The following CCDC178 variants were observed in gnomAD, a reference collection of about 807,000 sequenced individuals.
The protein encoded by CCDC178 is coiled-coil domain containing 178, also known as coiled-coil domain-containing protein 178.
In CCDC178, 126 loss-of-function variants were observed where a neutral mutation model predicts 117.4. That is an observed-to-expected ratio of 1.07 (90% CI 0.93 to 1.24). The LOEUF (loss-of-function observed/expected upper bound fraction) is 1.24. Among genes scored for constraint, CCDC178 ranks in the 50% most tolerant of loss-of-function variants. The probability of loss-of-function intolerance (pLI) is 0.00; values close to 1 mark genes in which losing one functional copy is unlikely to be tolerated. For missense variants in CCDC178, 1,030 were observed against 986.9 expected, an observed-to-expected ratio of 1.04 and a Z score of -0.59; for synonymous variants, 283 against 313.4, an observed-to-expected ratio of 0.90 and a Z score of 1.02.
chr18:33,096,358 AT>A (rs1409344430), intron 20 of CCDC178, among the ~76,000 whole-genome samples: 1 of 145,186 alleles, frequency 6.9e-6, no homozygotes, highest in Non-Finnish European at 1.5e-5. Flanking sequence ...TTATATAAAA[AT>A]ATAAAATTTT....
chr18:33,093,938 T>C (rs927742039), intron 20 of CCDC178, among the ~76,000 whole-genome samples: 1 of 152,028 alleles, frequency 6.6e-6, no homozygotes, highest in African/African-American at 2.4e-5. Flanking sequence ...TGTGAAGCAA[T>C]TAAAATTGTT....
chr18:33,336,965 T>C (rs529389399), intron 9 of CCDC178, among the ~76,000 whole-genome samples: 29 of 152,164 alleles, frequency 1.9e-4, no homozygotes, highest in African/African-American at 5.5e-4. Context: ...AGGAATTGCA[T>C]TGAATTTGTA....
chr18:33,011,055 T>C (rs2055853366), intron 21 of CCDC178, among the ~76,000 whole-genome samples: 1 of 152,168 alleles, frequency 6.6e-6, no homozygotes, highest in African/African-American at 2.4e-5. Context: ...GCACCAAAAG[T>C]TACTCTATAG....
intron 21 of CCDC178, among the ~76,000 whole-genome samples, chr18:33,034,850 T>A (rs1301025210): frequency 6.6e-6 from 1 of 151,858 alleles, no homozygotes; most frequent in African/African-American, 2.4e-5. Context: ...ATGATAATTA[T>A]CTTATGATAT....
chr18:32,982,747 C>G (rs545105705), intron 21 of CCDC178, among the ~76,000 whole-genome samples: 1 of 152,184 alleles, frequency 6.6e-6, no homozygotes, highest in Admixed American at 6.5e-5. Flanking sequence ...CAATCTTTAT[C>G]AATACAACAT....
intron 7 of CCDC178, among the ~76,000 whole-genome samples, chr18:33,353,672 C>T (rs2063010636): frequency 6.6e-6 from 1 of 152,008 alleles, no homozygotes; most frequent in South Asian, 2.1e-4. Flanking sequence ...ATATAAAGAA[C>T]TCTGTTCCTT....
intron 20 of CCDC178, among the ~76,000 whole-genome samples, chr18:33,096,119 C>A (rs919166647): frequency 2.7e-5 from 4 of 150,454 alleles, no homozygotes; most frequent in Non-Finnish European, 4.4e-5. Flanking sequence ...ACTCCCCACC[C>A]CCCCCACTTG....
chr18:33,278,880 A>T (rs1467417573), intron 12 of CCDC178, among the ~76,000 whole-genome samples: 2 of 152,222 alleles, frequency 1.3e-5, no homozygotes, highest in African/African-American at 4.8e-5. Context: ...ATAGATGCAG[A>T]AAAGGCCTTT....
intron 21 of CCDC178, among the ~76,000 whole-genome samples, chr18:33,017,971 G>C (rs1046907284): frequency 2.0e-5 from 3 of 151,920 alleles, no homozygotes; most frequent in Admixed American, 6.6e-5. Flanking sequence ...TGCTTTAAAG[G>C]AAACCATTAA....
intron 2 of CCDC178, among the ~76,000 whole-genome samples, chr18:33,424,656 G>A (rs1451378652): frequency 6.6e-6 from 1 of 152,170 alleles, no homozygotes. Context: ...GGGAGCCACG[G>A]CACGGCCCAG....
intron 10 of CCDC178, among the ~76,000 whole-genome samples, chr18:33,325,680 T>A (rs2062575076): frequency 6.6e-6 from 1 of 152,158 alleles, no homozygotes; most frequent in Non-Finnish European, 1.5e-5. Flanking sequence ...ATTTTTGAGT[T>A]TCCCTTTGAT....
At position 33,131,946 on chromosome 18, in the gene CCDC178, C is replaced by T. The variant is rs539149851; in HGVS notation, c.2239-39036G>A. 5.9e-5 allele frequency among the ~76,000 whole-genome samples: 9 copies of T among 151,554 alleles called. No homozygotes were observed. The South Asian group carries it at 6.2e-4, about 10-fold the overall frequency. On this transcript the variant is annotated intron_variant, in intron 20 of 22. Transcript: ENST00000383096. ...ATACTTCACCTTTTCTTTTTTGTTA[C>T]GGCTGCCCCAAAATTCAAAGTTATA... is the stretch of plus-strand genomic sequence containing the variant.
intron 20 of CCDC178, among the ~76,000 whole-genome samples, chr18:33,111,113 A>T (rs2057775470): frequency 6.6e-6 from 1 of 151,554 alleles, no homozygotes; most frequent in Admixed American, 6.6e-5. Context: ...CTTTTGTTAA[A>T]TATATACCTA....
intron 19 of CCDC178, among the ~76,000 whole-genome samples, chr18:33,213,469 G>C (rs2059129945): frequency 6.6e-6 from 1 of 151,778 alleles, no homozygotes; most frequent in East Asian, 1.9e-4. Flanking sequence ...TGACATCTTG[G>C]AGCAGAGAGA....
At chr18:33,358,429 T>G (rs2063085994) in intron 6 of CCDC178, among the ~76,000 whole-genome samples, 1 of 151,840 alleles carries the variant, frequency 6.6e-6, no homozygotes. Flanking sequence ...AAAGCAGATA[T>G]TGGCATAGGG....
chr18:32,993,076 G>A (rs777766790), intron 21 of CCDC178, among the ~76,000 whole-genome samples: 43 of 152,132 alleles, frequency 2.8e-4, no homozygotes, highest in Non-Finnish European at 5.6e-4. Flanking sequence ...TGAGTCAGGA[G>A]AATTGCTTGA....
At chr18:33,404,886 T>C (rs1226097048) in intron 3 of CCDC178, among the ~76,000 whole-genome samples, 2 of 152,052 alleles carry the variant, frequency 1.3e-5, no homozygotes, top group African/African-American at 2.4e-5. Context: ...TATAAAATCA[T>C]TGATATGAAA....
intron 21 of CCDC178, among the ~76,000 whole-genome samples, chr18:33,007,680 C>T (rs989119469): frequency 2.2e-4 from 34 of 152,050 alleles, no homozygotes; most frequent in Admixed American, 6.6e-5. Context: ...AAGACTGCAC[C>T]TAAGTACATA....
chr18:32,940,834 T>C (rs1234257984), intron 22 of CCDC178, among the ~76,000 whole-genome samples: 1 of 152,064 alleles, frequency 6.6e-6, no homozygotes, highest in Non-Finnish European at 1.5e-5. Flanking sequence ...CAGAACAAAA[T>C]GAAATCAGAA....
Sources: allele counts gnomAD v4.1 joint callset (sites outside exome capture counted in the v4.1 genomes callset), GRCh38; gene constraint gnomAD v4.1.1; transcripts MANE v1.5; gene names NCBI Gene and HGNC (gene_info 2026-07-23, HGNC 2026-07-21).